The following SIDT1 variants were observed in gnomAD, a reference collection of about 807,000 sequenced individuals.
The protein encoded by SIDT1 is SID1 transmembrane family member 1.
Under a neutral mutation model 107.5 loss-of-function variants are expected in SIDT1, and 101 were observed. That is an observed-to-expected ratio of 0.94 (90% CI 0.80 to 1.11). The LOEUF is 1.11. Ranked by LOEUF, SIDT1 falls within the 50% of genes least tolerant of loss-of-function variation. SIDT1 has a pLI of 0.00. For synonymous variants in SIDT1, 395 were observed against 398.2 expected (o/e 0.99, Z 0.10); for missense variants, 1,076 against 1,058.2 (o/e 1.02, Z -0.23).
At chr3:113,635,001 A>G in the SIDT1 span, among the ~76,000 whole-genome samples, 1 of 152,210 alleles carries the variant, frequency 6.6e-6, no homozygotes, top group Admixed American at 6.5e-5. Context: ...TTCAGGTTCT[A>G]AGCTTGTAAA....
At chr3:113,596,102 TG>T (rs890182148) in intron 10 of SIDT1, among the ~76,000 whole-genome samples, 1 of 152,196 alleles carries the variant, frequency 6.6e-6, no homozygotes, top group Non-Finnish European at 1.5e-5. Context: ...GGAAATGCCT[TG>T]GGTGCTTATA....
At chr3:113,553,582 T>C (rs1193286777) in intron 1 of SIDT1, among the ~76,000 whole-genome samples, 1 of 152,056 alleles carries the variant, frequency 6.6e-6, no homozygotes, top group African/African-American at 2.4e-5. Flanking sequence ...GTATGAGACC[T>C]AGCAAGAGAT....
rs1249600820 is a variant in SIDT1, at chr3:113,580,589, T to C, written c.562-19T>C. On this transcript the variant is annotated intron_variant, in intron 4 of 24. Transcript: ENST00000264852. ...ATTCATGTAAATATAAATCATGTCTTTCTTTTTCTTATTCTCAGTATTTTC... is the reference window on the plus strand; with the variant it reads ...ATTCATGTAAATATAAATCATGTCTCTCTTTTTCTTATTCTCAGTATTTTC... 1 of 1,451,086 alleles carries C rather than the reference T, an allele frequency of 6.9e-7. No homozygotes were observed. The highest frequency in any genetic ancestry group is 1.1e-5 in the South Asian group (1 of 87,824). The allele number at this position is 1,451,086 out of a possible 1,614,324, so 89.9% of individuals were successfully genotyped here. A position where few individuals can be genotyped will look rare whatever the true frequency, so the allele number is the denominator to read the frequency against.
chr3:113,566,976 A>C (rs770249242), intron 2 of SIDT1, among the ~76,000 whole-genome samples: 2 of 152,178 alleles, frequency 1.3e-5, no homozygotes, highest in Non-Finnish European at 2.9e-5. Context: ...GCAGTGGAAA[A>C]ACAACAAAGT....
chr3:113,542,330 C>G, intron 1 of SIDT1, among the ~76,000 whole-genome samples: 1 of 152,042 alleles, frequency 6.6e-6, no homozygotes, highest in Non-Finnish European at 1.5e-5. Flanking sequence ...TTAGTTTGTT[C>G]CAATACCTGA....
Position 113,616,145 on chromosome 3 carries a change from G to A in SIDT1, c.2012G>A (p.Cys671Tyr), listed in dbSNP as rs774760343. 9.9e-6 allele frequency: 16 copies of A among 1,613,970 alleles called. No homozygotes were observed. The highest frequency in any genetic ancestry group is 1.3e-5 in the Non-Finnish European group (15 of 1,179,820). The change falls in exon 20 of 25, where the codon TGT becomes TAT. Residue 671 changes from cysteine (C) to tyrosine (Y), a missense_variant. Transcript: ENST00000264852. ...GCTGCCATGGTGTTCTACACAGACT[G>A]TATCCAGCAGTGTAGCCGACCTCTA... ...RRAAMVFYTD[C>Y]IQQCSRPLYM...
intron 24 of SIDT1, 147 bp downstream of exon 24, chr3:113,626,362 A>T: frequency 3.6e-6 from 2 of 557,638 alleles, no homozygotes; most frequent in Non-Finnish European, 6.3e-6. Flanking sequence ...AGACCATCTT[A>T]TTTCTTTCAT....
chr3:113,606,813 G>A (rs1945364755), intron 14 of SIDT1: 1 of 452,124 alleles, frequency 2.2e-6, no homozygotes, highest in African/African-American at 1.9e-5. Flanking sequence ...CTGCATAAGA[G>A]GGTACACAGA....
chr3:113,592,780 G>T (rs1944265134), intron 9 of SIDT1: 1 of 459,156 alleles, frequency 2.2e-6, no homozygotes, highest in Non-Finnish European at 4.1e-6. Context: ...TAGAGACGGG[G>T]TTTCACCATA....
At chr3:113,612,373 G>T (rs1945820147) in intron 19 of SIDT1, 179 bp downstream of exon 19, 1 of 667,442 alleles carries the variant, frequency 1.5e-6, no homozygotes, top group Non-Finnish European at 2.8e-6. Flanking sequence ...TTATAGGATA[G>T]TGATAAGCTA....
intron 23 of SIDT1, among the ~76,000 whole-genome samples, chr3:113,623,972 G>A (rs189776212): frequency 5.9e-5 from 9 of 152,314 alleles, no homozygotes; most frequent in Admixed American, 5.2e-4. Flanking sequence ...TTCATTGCAT[G>A]TTGTATTACG....
At chr3:113,537,941 C>T (rs947659425) in intron 1 of SIDT1, among the ~76,000 whole-genome samples, 1 of 152,096 alleles carries the variant, frequency 6.6e-6, no homozygotes, top group Non-Finnish European at 1.5e-5. Flanking sequence ...CACTATCAAG[C>T]CTGGTTCATT....
At chr3:113,562,238 C>T (rs1390098781) in intron 1 of SIDT1, among the ~76,000 whole-genome samples, 1 of 151,994 alleles carries the variant, frequency 6.6e-6, no homozygotes, top group Non-Finnish European at 1.5e-5. Flanking sequence ...GAAACTGGAG[C>T]CCTTATATAT....
chr3:113,618,598 GA>G (rs1444867824), intron 20 of SIDT1, among the ~76,000 whole-genome samples: 1 of 152,194 alleles, frequency 6.6e-6, no homozygotes, highest in Non-Finnish European at 1.5e-5. Flanking sequence ...GTCACTGTTT[GA>G]GGATTTTAGC....
At position 113,593,024 on chromosome 3, in the gene SIDT1, G is replaced by T; in HGVS notation, c.1021G>T (p.Asp341Tyr). 6.2e-7 allele frequency: 1 copy of T among 1,613,774 alleles called. No homozygotes were observed. Among genetic ancestry groups the T allele is most frequent in the Middle Eastern group, 1.6e-4 (1 of 6,062 alleles). Residue 341 changes from aspartate (D) to tyrosine (Y), a missense_variant, in exon 10 of 25, where the codon GAT becomes TAT. Physicochemically the swap from Asp to Tyr is radical, Grantham distance 160. Coordinates refer to ENST00000264852, the MANE Select transcript of SIDT1 (RefSeq NM_017699.3). Reference protein sequence around the residue: ...HYLRFQRKSIDGSFGSNDGSG... With the variant: ...HYLRFQRKSIYGSFGSNDGSG... Reference sequence around the variant, plus strand: ...TTGCAGGTTTCAGAGAAAATCCATTGATGGAAGCTTTGGGTCCAATGATGG... The same window carrying T: ...TTGCAGGTTTCAGAGAAAATCCATTTATGGAAGCTTTGGGTCCAATGATGG...
intron 1 of SIDT1, among the ~76,000 whole-genome samples, chr3:113,563,583 G>A (rs1416440151): frequency 6.6e-6 from 1 of 152,188 alleles, no homozygotes. Flanking sequence ...AATCCGGAAC[G>A]TGGGTTCTTC....
At chr3:113,568,469 C>T (rs563163562) in intron 3 of SIDT1, among the ~76,000 whole-genome samples, 5 of 151,912 alleles carry the variant, frequency 3.3e-5, no homozygotes, top group Non-Finnish European at 7.4e-5. Flanking sequence ...TGGCGGGCAC[C>T]TGTAATCCCA....
intron 23 of SIDT1, among the ~76,000 whole-genome samples, chr3:113,625,605 A>G (rs1946798231): frequency 6.6e-6 from 1 of 152,190 alleles, no homozygotes; most frequent in Non-Finnish European, 1.5e-5. Context: ...CAGGGGTAAG[A>G]TGATATCTCA....
intron 18 of SIDT1, among the ~76,000 whole-genome samples, chr3:113,611,399 T>C (rs1945730326): frequency 6.6e-6 from 1 of 152,194 alleles, no homozygotes; most frequent in Non-Finnish European, 1.5e-5. Flanking sequence ...TGGCATGATC[T>C]CAGCTCACCG....
Sources: gnomAD v4.1 joint callset for allele counts (sites outside exome capture counted in the v4.1 genomes callset) on GRCh38, gnomAD v4.1.1 for gene constraint, MANE v1.5 for transcripts, NCBI Gene and HGNC (gene_info 2026-07-23, HGNC 2026-07-21) for gene names.